TMEM117: variants seen among roughly 807,000 people sequenced by gnomAD.
The protein encoded by TMEM117 is transmembrane protein 117.
TMEM117 carries 27 observed loss-of-function variants against 52.4 expected under a neutral mutation model. That is an observed-to-expected ratio of 0.51 (90% CI 0.38 to 0.71). TMEM117 has a LOEUF of 0.71. TMEM117 is among the 30% of genes least tolerant of loss of function. The pLI, the probability that TMEM117 is intolerant of heterozygous loss-of-function variation, is 0.00. For synonymous variants in TMEM117, 215 were observed against 206.3 expected, an observed-to-expected ratio of 1.04 and a Z score of -0.36; for missense variants, 556 against 630.5, an observed-to-expected ratio of 0.88 and a Z score of 1.26.
the TMEM117 span, among the ~76,000 whole-genome samples, chr12:43,806,620 T>C: frequency 6.6e-6 from 1 of 152,114 alleles, no homozygotes; most frequent in Non-Finnish European, 1.5e-5. Flanking sequence ...AGCAAAGGGG[T>C]GCTCAAAAAC....
chr12:44,175,300 C>T (rs959974356), intron 4 of TMEM117, among the ~76,000 whole-genome samples: 7 of 151,956 alleles, frequency 4.6e-5, no homozygotes, highest in Non-Finnish European at 8.8e-5. Context: ...GGCGAGATTT[C>T]GTGATACTAG....
At chr12:44,136,011 A>C (rs990196888) in intron 3 of TMEM117, among the ~76,000 whole-genome samples, 1 of 152,222 alleles carries the variant, frequency 6.6e-6, no homozygotes, top group Admixed American at 6.5e-5. Flanking sequence ...TAAATTAATG[A>C]ATGCCATTCT....
intron 5 of TMEM117, among the ~76,000 whole-genome samples, chr12:44,260,087 T>C (rs1407375139): frequency 6.6e-6 from 1 of 152,210 alleles, no homozygotes; most frequent in Non-Finnish European, 1.5e-5. Context: ...CAGGCCAACG[T>C]AGGGACCGAT....
chr12:44,280,958 A>G (rs1194490335), intron 5 of TMEM117, among the ~76,000 whole-genome samples: 1 of 150,524 alleles, frequency 6.6e-6, no homozygotes, highest in Non-Finnish European at 1.5e-5. Flanking sequence ...GGGTCCCCCA[A>G]TCACAAGTGC....
chr12:43,847,664 A>G (rs908380525), intron 2 of TMEM117, among the ~76,000 whole-genome samples: 1 of 152,208 alleles, frequency 6.6e-6, no homozygotes, highest in African/African-American at 2.4e-5. Context: ...AGAGAATTTC[A>G]GCATGATTCA....
At chr12:44,098,196 G>T (rs901614958) in intron 3 of TMEM117, among the ~76,000 whole-genome samples, 4 of 152,030 alleles carry the variant, frequency 2.6e-5, no homozygotes, top group African/African-American at 9.7e-5. Context: ...CTTTCTGGGT[G>T]CCAGACAGAG....
At chr12:44,057,814 GA>G (rs982386575) in intron 3 of TMEM117, among the ~76,000 whole-genome samples, 2 of 152,106 alleles carry the variant, frequency 1.3e-5, no homozygotes, top group African/African-American at 4.8e-5. Context: ...TCTAGAAATA[GA>G]AAAAATATGT....
chr12:43,798,036 G>A, the TMEM117 span, among the ~76,000 whole-genome samples: 1 of 152,134 alleles, frequency 6.6e-6, no homozygotes, highest in Non-Finnish European at 1.5e-5. Context: ...AATGTTGGAA[G>A]TGAACATTTG....
At chr12:43,800,586 G>C in the TMEM117 span, 1 of 1,349,958 alleles carries the variant, frequency 7.4e-7, no homozygotes. Flanking sequence ...CATTACAAAA[G>C]CAAGCACATT....
rs5797892 is a variant in TMEM117 at position 44,208,725 on chromosome 12, GTTTTTTTTTTTTT to G, written c.511-2554_511-2542del. 1.7e-4 allele frequency among the ~76,000 whole-genome samples: 12 copies of G among 68,828 alleles called. No homozygotes were observed. In the Admixed American group the frequency reaches 2.0e-3, roughly 11 times the overall value. 45.2% of individuals were successfully genotyped at this position (68,828 alleles called of 152,430 possible). A position where few individuals can be genotyped will look rare whatever the true frequency, so the allele number is the denominator to read the frequency against. Reference sequence around the variant, plus strand: ...TCAGCTGCCTGGCATCAGAAAGAATGTTTTTTTTTTTTTTTTTTTTTTTGCTTCATCTAACCAT... The same window carrying G: ...TCAGCTGCCTGGCATCAGAAAGAATGTTTTTTTTTTGCTTCATCTAACCAT... On this transcript the variant is annotated intron_variant, in intron 4 of 7. Transcript: ENST00000266534.
chr12:43,828,842 C>T, the TMEM117 span, among the ~76,000 whole-genome samples: 1,471 of 152,252 alleles, frequency 9.7e-3, 13 homozygotes, highest in Middle Eastern at 0.044. Flanking sequence ...TTTTTTTCTT[C>T]GTCTTTCCCT....
chr12:44,388,246 A>AT lies in TMEM117; in HGVS notation c.1120dup (p.Tyr374LeufsTer3), dbSNP rs1565785647. On this transcript the variant is annotated frameshift_variant, in exon 8 of 8. Transcript: ENST00000266534. LOFTEE classifies it high-confidence loss of function. ...ACACTAACCCTCGGACTAATAAAACATATGTTGAGGGAGACATGTTCTTAC... is the reference window on the plus strand; with the variant it reads ...ACACTAACCCTCGGACTAATAAAACATTATGTTGAGGGAGACATGTTCTTAC... 6.2e-7 allele frequency: 1 copy of AT among 1,613,610 alleles called. No individual in the cohort carries two copies. The highest frequency in any genetic ancestry group is 2.2e-5 in the East Asian group (1 of 44,868).
At chr12:44,319,983 C>G (rs535551482) in intron 6 of TMEM117, among the ~76,000 whole-genome samples, 1 of 152,288 alleles carries the variant, frequency 6.6e-6, no homozygotes, top group Non-Finnish European at 1.5e-5. Context: ...CATGGCCTAA[C>G]AGCCTCCCAA....
intron 2 of TMEM117, among the ~76,000 whole-genome samples, chr12:43,904,889 A>C (rs1173032251): frequency 6.6e-6 from 1 of 152,232 alleles, no homozygotes; most frequent in Non-Finnish European, 1.5e-5. Flanking sequence ...CACGCCTGTA[A>C]TCCCAGCACT....
At chr12:44,017,326 C>CTTTTT (rs79007657) in intron 3 of TMEM117, among the ~76,000 whole-genome samples, 9 of 97,126 alleles carry the variant, frequency 9.3e-5, no homozygotes, top group African/African-American at 3.7e-4. Flanking sequence ...TCTTTCTTTC[C>CTTTTT]TTTTTTTTTT....
intron 2 of TMEM117, among the ~76,000 whole-genome samples, chr12:43,902,507 T>G (rs904656657): frequency 6.6e-6 from 1 of 152,186 alleles, no homozygotes; most frequent in Non-Finnish European, 1.5e-5. Flanking sequence ...TAAAGTTCCC[T>G]TCTCGTGAGG....
chr12:43,887,557 C>T (rs781009985), intron 2 of TMEM117, among the ~76,000 whole-genome samples: 4 of 152,134 alleles, frequency 2.6e-5, no homozygotes, highest in Non-Finnish European at 5.9e-5. Flanking sequence ...GGTTTGTGAC[C>T]ATGCCCTTCA....
the TMEM117 span, among the ~76,000 whole-genome samples, chr12:43,823,100 T>G: frequency 6.6e-6 from 1 of 152,172 alleles, no homozygotes; most frequent in African/African-American, 2.4e-5. Context: ...TACAGAAATT[T>G]TATTATAAAA....
chr12:43,907,251 G>A (rs7953780), intron 2 of TMEM117, among the ~76,000 whole-genome samples: 106,480 of 151,472 alleles, frequency 0.7, 41,314 homozygotes, highest in East Asian at 0.87. Context: ...CACCTCACAC[G>A]GCCGGGTACT....
Sources: gnomAD v4.1 joint callset for allele counts (sites outside exome capture counted in the v4.1 genomes callset) on GRCh38, gnomAD v4.1.1 for gene constraint, MANE v1.5 for transcripts, NCBI Gene and HGNC (gene_info 2026-07-23, HGNC 2026-07-21) for gene names.